The following FHIT variants were observed in gnomAD, a reference collection of about 807,000 sequenced individuals.
FHIT encodes fragile histidine triad diadenosine triphosphatase.
In FHIT, 19 loss-of-function variants were observed where a neutral mutation model predicts 17.9. The ratio of observed to expected loss-of-function variants is 1.06; its 90% CI spans 0.74 to 1.56. The LOEUF (loss-of-function observed/expected upper bound fraction) is 1.56, where lower values mean the gene tolerates loss of function less well. FHIT is among the 40% of genes most tolerant of loss of function. The pLI, the probability that FHIT is intolerant of heterozygous loss-of-function variation, is 0.00. For synonymous variants in FHIT, 81 were observed against 69.7 expected (o/e 1.16, Z -0.81); for missense variants, 248 against 189.2 (o/e 1.31, Z -1.82).
Position 60,031,011 on chromosome 3 carries a change from A to G in FHIT, c.104-16859T>C, listed in dbSNP as rs142373392. On this transcript the variant is annotated intron_variant, in intron 5 of 9. Transcript: ENST00000492590. ...AAATCTAAAAATGAGAATTCTTCCA[A>G]TGGGTGATCTCCCCTGGTCCAGTCC... Among the ~76,000 whole-genome samples the G allele has an allele frequency of 8.5e-5, 13 of 152,272 alleles. No homozygotes were observed. The East Asian group carries it at 2.3e-3, about 27-fold the overall frequency.
At chr3:59,901,884 C>T (rs1704345112) in intron 8 of FHIT, among the ~76,000 whole-genome samples, 1 of 152,158 alleles carries the variant, frequency 6.6e-6, no homozygotes, top group African/African-American at 2.4e-5. Flanking sequence ...GTAGAAACAA[C>T]TCAACTGTCT....
At chr3:61,053,691 A>C (rs1181346484) in intron 2 of FHIT, among the ~76,000 whole-genome samples, 5 of 151,792 alleles carry the variant, frequency 3.3e-5, no homozygotes, top group Admixed American at 3.3e-4. Context: ...TTAAAGTTTC[A>C]AGTTAATTTT....
intron 1 of FHIT, among the ~76,000 whole-genome samples, chr3:61,211,953 C>T (rs768282146): frequency 2.2e-4 from 34 of 152,090 alleles, no homozygotes; most frequent in Admixed American, 1.2e-3. Flanking sequence ...GGTCCTGTCT[C>T]GTAGAAGGAA....
chr3:61,022,844 T>C (rs2032525546), intron 3 of FHIT, among the ~76,000 whole-genome samples: 2 of 152,146 alleles, frequency 1.3e-5, no homozygotes, highest in African/African-American at 4.8e-5. Context: ...GGAACAGATC[T>C]CAAAATAATA....
At chr3:60,386,187 C>A (rs555805943) in intron 5 of FHIT, among the ~76,000 whole-genome samples, 8 of 152,132 alleles carry the variant, frequency 5.3e-5, no homozygotes, top group Non-Finnish European at 1.2e-4. Flanking sequence ...GTCTCTTCTG[C>A]CTCTGGAAGA....
intron 7 of FHIT, among the ~76,000 whole-genome samples, chr3:59,933,005 T>C (rs995949113): frequency 1.3e-5 from 2 of 152,178 alleles, no homozygotes; most frequent in Admixed American, 6.5e-5. Context: ...AAAAACATCT[T>C]ATTTCCACCA....
intron 3 of FHIT, among the ~76,000 whole-genome samples, chr3:60,939,437 C>T (rs1291199049): frequency 2.0e-5 from 3 of 152,074 alleles, no homozygotes; most frequent in Non-Finnish European, 2.9e-5. Flanking sequence ...AAAAAGGTTG[C>T]CAACCCTGAC....
intron 5 of FHIT, among the ~76,000 whole-genome samples, chr3:60,502,299 T>C (rs889592928): frequency 1.3e-5 from 2 of 152,128 alleles, no homozygotes; most frequent in Non-Finnish European, 2.9e-5. Context: ...TCATTGCATC[T>C]CAGTGGTCAT....
At chr3:61,071,697 A>G (rs2034814047) in intron 2 of FHIT, among the ~76,000 whole-genome samples, 1 of 152,048 alleles carries the variant, frequency 6.6e-6, no homozygotes, top group African/African-American at 2.4e-5. Context: ...GTATTTCCAT[A>G]TATATTTCTA....
chr3:60,494,712 G>C (rs973499358), intron 5 of FHIT, among the ~76,000 whole-genome samples: 6 of 152,200 alleles, frequency 3.9e-5, no homozygotes, highest in Admixed American at 1.3e-4. Flanking sequence ...CTACAAATAA[G>C]TGAGAACATA....
chr3:59,956,960 A>T (rs1707434278), intron 7 of FHIT, among the ~76,000 whole-genome samples: 1 of 152,182 alleles, frequency 6.6e-6, no homozygotes, highest in Admixed American at 6.5e-5. Flanking sequence ...TAAATTGGTC[A>T]TCAAATATTG....
intron 3 of FHIT, among the ~76,000 whole-genome samples, chr3:60,931,111 A>C (rs1431150280): frequency 1.3e-5 from 2 of 152,044 alleles, no homozygotes; most frequent in African/African-American, 4.8e-5. Context: ...AACTATCGCA[A>C]GGAGAAAAAA....
intron 5 of FHIT, among the ~76,000 whole-genome samples, chr3:60,330,432 C>G (rs1257089497): frequency 6.6e-6 from 1 of 152,172 alleles, no homozygotes; most frequent in Non-Finnish European, 1.5e-5. Flanking sequence ...GAGACAACCA[C>G]CGGTATAAAG....
intron 5 of FHIT, among the ~76,000 whole-genome samples, chr3:60,340,776 T>C (rs1178752000): frequency 6.6e-6 from 1 of 152,094 alleles, no homozygotes; most frequent in African/African-American, 2.4e-5. Flanking sequence ...GGCGTCATCT[T>C]GGCTCACCAC....
intron 2 of FHIT, among the ~76,000 whole-genome samples, chr3:61,042,542 A>T (rs1385052665): frequency 2.6e-5 from 4 of 152,174 alleles, no homozygotes; most frequent in Non-Finnish European, 4.4e-5. Context: ...ATTTTACACA[A>T]TAAAAATTTA....
chr3:60,383,059 A>G (rs1284212165), intron 5 of FHIT, among the ~76,000 whole-genome samples: 1 of 152,208 alleles, frequency 6.6e-6, no homozygotes, highest in African/African-American at 2.4e-5. Flanking sequence ...CAGATTAGCC[A>G]TTATCTACTG....
rs184706540 is a variant in FHIT, at chr3:60,981,959, G to C, written c.-111+60088C>G. On this transcript the variant is annotated intron_variant, in intron 3 of 9. Coordinates refer to ENST00000492590, the MANE Select transcript of FHIT (RefSeq NM_002012.4). The stretch of plus-strand genomic sequence containing the variant: ...ATTTTACCTACAAAACATCCCTCGA[G>C]TCCTCCCCTTCACTCCATCTCGGCA... Among the ~76,000 whole-genome samples, 3 of 152,192 alleles carry C rather than the reference G, an allele frequency of 2.0e-5. No individual in the cohort carries two copies. In the East Asian group the frequency reaches 5.8e-4, roughly 29 times the overall value.
chr3:60,474,910 A>G (rs937548207), intron 5 of FHIT, among the ~76,000 whole-genome samples: 1 of 152,172 alleles, frequency 6.6e-6, no homozygotes, highest in Non-Finnish European at 1.5e-5. Context: ...GGCGTGAGCC[A>G]CCGCACCTGG....
At chr3:59,922,849 G>C (rs1209400463) in intron 7 of FHIT, among the ~76,000 whole-genome samples, 3 of 152,080 alleles carry the variant, frequency 2.0e-5, no homozygotes, top group African/African-American at 7.2e-5. Flanking sequence ...TTACAGACTT[G>C]GGGCTTCGAA....
Sources: gnomAD v4.1 joint callset for allele counts (sites outside exome capture counted in the v4.1 genomes callset) on GRCh38, gnomAD v4.1.1 for gene constraint, MANE v1.5 for transcripts, NCBI Gene and HGNC (gene_info 2026-07-23, HGNC 2026-07-21) for gene names.